The following FOXO1 variants were observed in gnomAD, a reference collection of about 807,000 sequenced individuals.
FOXO1 encodes forkhead box protein O1.
In FOXO1, 6 loss-of-function variants were observed where a neutral mutation model predicts 44.1. That is an observed-to-expected ratio of 0.14 (90% CI 0.07 to 0.27). The LOEUF (loss-of-function observed/expected upper bound fraction) is 0.27, where lower values mean the gene tolerates loss of function less well. Among genes scored for constraint, FOXO1 ranks in the 10% least tolerant of loss-of-function variants. The probability of loss-of-function intolerance (pLI) is 1.00; values close to 1 mark genes in which losing one functional copy is unlikely to be tolerated. For missense variants in FOXO1, 737 were observed against 888.8 expected, an observed-to-expected ratio of 0.83 and a Z score of 2.17; for synonymous variants, 380 against 362.7, an observed-to-expected ratio of 1.05 and a Z score of -0.54.
chr13:40,640,782 GTTGTTGTTGTTGTTGTT>G (rs1159333733), intron 1 of FOXO1, among the ~76,000 whole-genome samples: 2 of 120,592 alleles, frequency 1.7e-5, no homozygotes, highest in African/African-American at 7.4e-5. Context: ...TGTTGTTGTT[GTTGTTGTTGTTGTTGTT>G]TGAGACAGAG....
rs141299266 is a variant in FOXO1, at chr13:40,649,690, G to A, written c.630+15893C>T. Reference sequence around the variant, plus strand: ...TTTTTCTTAAAAATATAATGTATAAGGCATACAATCAAATTAGGTAATAAA... The same window carrying A: ...TTTTTCTTAAAAATATAATGTATAAAGCATACAATCAAATTAGGTAATAAA... On this transcript the variant is annotated intron_variant, in intron 1 of 2. Coordinates refer to ENST00000379561, the MANE Select transcript of FOXO1 (RefSeq NM_002015.4). Among the ~76,000 whole-genome samples, 149 of 152,096 alleles carry A rather than the reference G, an allele frequency of 9.8e-4. 1 individual carries two copies. The highest frequency in any genetic ancestry group is 3.2e-3 in the African/African-American group (133 of 41,454).
intron 1 of FOXO1, among the ~76,000 whole-genome samples, chr13:40,561,455 A>C (rs1410060602): frequency 6.6e-6 from 1 of 152,170 alleles, no homozygotes; most frequent in Non-Finnish European, 1.5e-5. Flanking sequence ...TTTTATGGAA[A>C]AATCAAAGGA....
In FOXO1 at chr13:40,557,968, A is replaced by G. The variant is rs538088730; in HGVS notation, c.*1081T>C. On this transcript the variant is annotated 3_prime_UTR_variant, in exon 3 of 3. Coordinates refer to ENST00000379561, the MANE Select transcript of FOXO1 (RefSeq NM_002015.4). ...AAAACATATTAAGTTATCCTAAATA[A>G]GAAACGCAAAGTGTCCATAACTATA... 6.5e-6 allele frequency: 1 copy of G among 152,686 alleles called. No homozygotes were observed. Among genetic ancestry groups the G allele is most frequent in the African/African-American group, 2.4e-5 (1 of 41,592 alleles). 9.5% of individuals were successfully genotyped at this position (152,686 alleles called of 1,614,324 possible).
At chr13:40,653,547 T>C (rs1473971227) in intron 1 of FOXO1, among the ~76,000 whole-genome samples, 1 of 152,230 alleles carries the variant, frequency 6.6e-6, no homozygotes, top group East Asian at 1.9e-4. Context: ...CTCTTCAGAA[T>C]ACCAAACCAT....
intron 1 of FOXO1, among the ~76,000 whole-genome samples, chr13:40,591,863 C>G (rs1388868527): frequency 6.6e-6 from 1 of 152,054 alleles, no homozygotes; most frequent in Non-Finnish European, 1.5e-5. Flanking sequence ...TGTGCCACCA[C>G]GCCAGGCTAA....
At chr13:40,605,349 C>T (rs1253425227) in intron 1 of FOXO1, among the ~76,000 whole-genome samples, 1 of 152,168 alleles carries the variant, frequency 6.6e-6, no homozygotes, top group African/African-American at 2.4e-5. Flanking sequence ...TGGAGATGCT[C>T]TGTTACAACA....
intron 1 of FOXO1, among the ~76,000 whole-genome samples, chr13:40,581,137 T>A (rs1874940769): frequency 1.3e-5 from 2 of 152,148 alleles, no homozygotes; most frequent in Non-Finnish European, 1.5e-5. Context: ...ACAACAGGTG[T>A]CCAGAGAGCA....
chr13:40,619,810 A>G, intron 1 of FOXO1: 1 of 773,792 alleles, frequency 1.3e-6, no homozygotes, highest in Non-Finnish European at 2.4e-6. Flanking sequence ...CACTAATTTC[A>G]GTAGTCACAC....
At chr13:40,639,914 A>G (rs1248684391) in intron 1 of FOXO1, among the ~76,000 whole-genome samples, 2 of 152,220 alleles carry the variant, frequency 1.3e-5, no homozygotes, top group African/African-American at 4.8e-5. Context: ...GGCAAACCCA[A>G]TCCCTCAATC....
intron 1 of FOXO1, among the ~76,000 whole-genome samples, chr13:40,586,161 T>C (rs974866282): frequency 6.6e-6 from 1 of 152,256 alleles, no homozygotes; most frequent in African/African-American, 2.4e-5. Flanking sequence ...GGATTGTGGC[T>C]AGCATTTCTG....
chr13:40,607,381 A>G (rs1339415344), intron 1 of FOXO1, among the ~76,000 whole-genome samples: 1 of 152,208 alleles, frequency 6.6e-6, no homozygotes, highest in Non-Finnish European at 1.5e-5. Context: ...GGCAATAAAT[A>G]TAAGCACCAG....
At chr13:40,649,588 T>C (rs928156080) in intron 1 of FOXO1, among the ~76,000 whole-genome samples, 1 of 152,336 alleles carries the variant, frequency 6.6e-6, no homozygotes, top group Middle Eastern at 3.4e-3. Context: ...GGTCCTCCTA[T>C]ATGTTCAGCA....
intron 1 of FOXO1, among the ~76,000 whole-genome samples, chr13:40,664,032 T>C (rs1593420942): frequency 6.6e-6 from 1 of 152,176 alleles, no homozygotes; most frequent in African/African-American, 2.4e-5. Flanking sequence ...CCCAGCACTT[T>C]GGGAGGCCGA....
chr13:40,639,419 A>T (rs1877275319), intron 1 of FOXO1, among the ~76,000 whole-genome samples: 1 of 152,252 alleles, frequency 6.6e-6, no homozygotes, highest in Non-Finnish European at 1.5e-5. Flanking sequence ...TTCTAGTTTT[A>T]GGTGCAGTAA....
At chr13:40,624,247 T>C (rs1213108664) in intron 1 of FOXO1, among the ~76,000 whole-genome samples, 2 of 144,470 alleles carry the variant, frequency 1.4e-5, no homozygotes, top group African/African-American at 5.1e-5. Context: ...TATCATCTCA[T>C]AGCCTGATAG....
chr13:40,616,665 T>C (rs1876434048), intron 1 of FOXO1, among the ~76,000 whole-genome samples: 1 of 152,160 alleles, frequency 6.6e-6, no homozygotes, highest in Non-Finnish European at 1.5e-5. Context: ...TAGGGCAGAA[T>C]AAGACTGAAA....
intron 1 of FOXO1, among the ~76,000 whole-genome samples, chr13:40,589,291 A>G (rs1197866497): frequency 6.6e-6 from 1 of 152,222 alleles, no homozygotes; most frequent in African/African-American, 2.4e-5. Context: ...TCTAAACAAG[A>G]AAAGACTGGC....
intron 1 of FOXO1, among the ~76,000 whole-genome samples, chr13:40,655,462 G>A (rs190124132): frequency 2.4e-4 from 36 of 151,758 alleles, no homozygotes; most frequent in African/African-American, 3.6e-4. Flanking sequence ...ATCCTGGTGC[G>A]TCTGAAAGCT....
chr13:40,603,353 CAAAAAA>C (rs60741629), intron 1 of FOXO1, among the ~76,000 whole-genome samples: 2 of 73,974 alleles, frequency 2.7e-5, no homozygotes, highest in African/African-American at 4.8e-5. Flanking sequence ...CAGATGAATC[CAAAAAA>C]AAAAAAAAAA....
Sources: gnomAD v4.1 joint callset for allele counts (sites outside exome capture counted in the v4.1 genomes callset) on GRCh38, gnomAD v4.1.1 for gene constraint, MANE v1.5 for transcripts, NCBI Gene and HGNC (gene_info 2026-07-23, HGNC 2026-07-21) for gene names.